The following FREM3 variants were observed in gnomAD, a reference collection of about 807,000 sequenced individuals.
FREM3 encodes the protein FRAS1 related extracellular matrix 3.
Under a neutral mutation model 129.1 loss-of-function variants are expected in FREM3, and 105 were observed. The ratio of observed to expected loss-of-function variants is 0.81; its 90% CI spans 0.69 to 0.96. The LOEUF (loss-of-function observed/expected upper bound fraction) is 0.96, where lower values mean the gene tolerates loss of function less well. Ranked by LOEUF, FREM3 falls within the 40% of genes least tolerant of loss-of-function variation. The pLI is 0.00. For synonymous variants in FREM3, 1,014 were observed against 1,044.9 expected, an observed-to-expected ratio of 0.97 and a Z score of 0.57; for missense variants, 2,593 against 2,666.3, an observed-to-expected ratio of 0.97 and a Z score of 0.61.
At position 143,695,902 on chromosome 4, in the gene FREM3, G is replaced by C. The variant is rs552226444; in HGVS notation, c.4774C>G (p.Pro1592Ala). 74 of 1,537,568 alleles carry C rather than the reference G, an allele frequency of 4.8e-5. No individual in the cohort carries two copies. The highest frequency in any genetic ancestry group is 6.2e-5 in the Non-Finnish European group (71 of 1,147,032). ...TCTTGCTTGGTGAAAGTGGTCACGG[G>C]ACGGCTACCATTGTACAAAATCTTG... ...HGKILYNGSR[P>A]VTTFTKQDLN... is the part of the protein sequence containing the mutation. Residue 1592 changes from proline (P) to alanine (A), a missense_variant, in exon 1 of 8, where the codon CCC becomes GCC. Around this residue, in one of 2 missense-constraint regions of FREM3, gnomAD observed 2,276 missense variants for 2,267.2 expected, o/e 1.00. Transcript: ENST00000329798.
At position 143,698,542 on chromosome 4, in the gene FREM3, C is replaced by T. The variant is rs60279939; in HGVS notation, c.2134G>A (p.Glu712Lys). 1 of 1,537,654 alleles carries T rather than the reference C, an allele frequency of 6.5e-7. No individual in the cohort carries two copies. The highest frequency in any genetic ancestry group is 8.7e-7 in the Non-Finnish European group (1 of 1,147,024). ...SPQLYPGTTLEMTVQEYQLTH... is the reference protein window; with the variant it reads ...SPQLYPGTTLKMTVQEYQLTH... Reference sequence around the variant, plus strand: ...AGTTGGTATTCTTGTACAGTCATTTCTAGTGTAGTTCCTGGATACAGCTGT... The same window carrying T: ...AGTTGGTATTCTTGTACAGTCATTTTTAGTGTAGTTCCTGGATACAGCTGT... The change falls in exon 1 of 8, where the codon GAA becomes AAA. Residue 712 changes from glutamate to lysine, a missense_variant. Glu to Lys is a moderately conservative substitution (Grantham distance 56). Coordinates refer to ENST00000329798, the MANE Select transcript of FREM3 (RefSeq NM_001168235.2).
intron 2 of FREM3, among the ~76,000 whole-genome samples, chr4:143,675,363 C>G (rs906975908): frequency 2.2e-4 from 33 of 152,092 alleles, no homozygotes; most frequent in East Asian, 1.7e-3. Flanking sequence ...ACACAACATA[C>G]CAGAATCTCT....
chr4:143,592,126 A>G (rs1021497953), intron 6 of FREM3, among the ~76,000 whole-genome samples: 5 of 151,994 alleles, frequency 3.3e-5, no homozygotes, highest in African/African-American at 1.2e-4. Context: ...TTTTGAGCCT[A>G]TGTGTGTCTC....
chr4:143,658,752 A>G (rs1472439843), intron 2 of FREM3, among the ~76,000 whole-genome samples: 2 of 152,214 alleles, frequency 1.3e-5, no homozygotes, highest in Non-Finnish European at 2.9e-5. Flanking sequence ...AGTGTATTTT[A>G]TGTGTGGCCC....
At position 143,611,357 on chromosome 4, in the gene FREM3, G is replaced by A. The variant is rs1297193955; in HGVS notation, c.5950C>T (p.Leu1984Phe). 6.5e-7 allele frequency: 1 copy of A among 1,537,142 alleles called. No homozygotes were observed. Among genetic ancestry groups the A allele is most frequent in the Non-Finnish European group, 8.7e-7 (1 of 1,146,828 alleles). The change falls in exon 6 of 8, where the codon CTT (leucine) becomes TTT (phenylalanine). Residue 1984 changes from leucine (L) to phenylalanine (F), a missense_variant. Around this residue, in one of 2 missense-constraint regions of FREM3, gnomAD observed 317 missense variants for 399.0 expected, o/e 0.79. Coordinates refer to ENST00000329798, the MANE Select transcript of FREM3 (RefSeq NM_001168235.2). Reference sequence around the variant, plus strand: ...AGCTGTCCTCCCACTGGCAGCCTAAGTGAAACGCTGAAGGATTCCTCCTCT... The same window carrying A: ...AGCTGTCCTCCCACTGGCAGCCTAAATGAAACGCTGAAGGATTCCTCCTCT... ...YEEEESFSVS[L>F]RLPVGGQLGA...
chr4:143,638,806 G>A (rs948395032), intron 2 of FREM3, among the ~76,000 whole-genome samples: 25 of 152,110 alleles, frequency 1.6e-4, no homozygotes, highest in East Asian at 7.7e-4. Context: ...GTGACTCTGC[G>A]TAGTAGACTA....
rs191274394 is a variant in FREM3, at chr4:143,580,196, C to T, written c.6179-2344G>A. ...GAGGACAGAGAGTGGTGAATAAACA[C>T]ACAAGCTCTTCAGCTGGATTTTCTA... On this transcript the variant is annotated intron_variant, in intron 7 of 7. Coordinates refer to ENST00000329798, the MANE Select transcript of FREM3 (RefSeq NM_001168235.2). Among the ~76,000 whole-genome samples, 368 of 152,236 alleles carry T rather than the reference C, an allele frequency of 2.4e-3. 7 individuals carry two copies. The highest frequency in any genetic ancestry group is 0.023 in the Admixed American group (354 of 15,284).
intron 4 of FREM3, among the ~76,000 whole-genome samples, chr4:143,621,452 A>C (rs1738950333): frequency 6.6e-6 from 1 of 152,198 alleles, no homozygotes; most frequent in South Asian, 2.1e-4. Context: ...TTCTGAGATC[A>C]AATTTTAAGT....
intron 2 of FREM3, among the ~76,000 whole-genome samples, chr4:143,640,885 A>G (rs536287853): frequency 4.6e-5 from 7 of 152,266 alleles, no homozygotes; most frequent in East Asian, 1.9e-4. Context: ...TGTCCGTAGT[A>G]TATATTATTT....
At chr4:143,645,177 T>A (rs1444666271) in intron 2 of FREM3, 2 of 152,160 alleles carry the variant, frequency 1.3e-5, no homozygotes, top group Admixed American at 1.3e-4. Context: ...ATTGAAAGCC[T>A]AGGGGTTTTG....
In FREM3 at chr4:143,696,914, G is replaced by A; in HGVS notation, c.3762C>T (p.Ser1254=). ...QLATGSQPIH[S]FTLKEIQEAS... ...CCTCCTGGATCTCCTTGAGGGTGAA[G>A]CTGTGGATGGGCTGGCTGCCTGTAG... Residue 1254 remains serine (S), a synonymous_variant, in exon 1 of 8, where the codon AGC becomes AGT. Transcript: ENST00000329798. The A allele has an allele frequency of 6.5e-7, 1 of 1,537,694 alleles. No individual in the cohort carries two copies. Among genetic ancestry groups the A allele is most frequent in the Non-Finnish European group, 8.7e-7 (1 of 1,147,016 alleles).
chr4:143,604,300 G>T (rs1738627634), intron 6 of FREM3, among the ~76,000 whole-genome samples: 1 of 151,924 alleles, frequency 6.6e-6, no homozygotes, highest in Non-Finnish European at 1.5e-5. Context: ...AAATTACCTA[G>T]CCTCAGGACT....
chr4:143,697,301 A>G lies in FREM3; in HGVS notation c.3375T>C (p.Pro1125=). ...SGYLEKIASA[P]GSKMSQSGSP... is the part of the protein sequence containing the mutation. Reference sequence around the variant, plus strand: ...TACCAGACTGGGACATTTTTGAACCAGGAGCTGATGCAATCTTTTCCAGGT... The same window carrying G: ...TACCAGACTGGGACATTTTTGAACCGGGAGCTGATGCAATCTTTTCCAGGT... Residue 1125 remains proline, a synonymous_variant, in exon 1 of 8, where the codon CCT becomes CCC. Transcript: ENST00000329798. The G allele has an allele frequency of 6.5e-7, 1 of 1,537,326 alleles. No individual in the cohort carries two copies. The highest frequency in any genetic ancestry group is 8.7e-7 in the Non-Finnish European group (1 of 1,146,904).
intron 2 of FREM3, among the ~76,000 whole-genome samples, chr4:143,663,135 G>C (rs1739772848): frequency 6.6e-6 from 1 of 152,066 alleles, no homozygotes. Context: ...TATGATGTTA[G>C]CTGGTTATTT....
intron 6 of FREM3, 87 bp from the exon 7 acceptor site, chr4:143,586,080 G>T (rs1738239248): frequency 1.4e-5 from 18 of 1,298,322 alleles, no homozygotes; most frequent in Non-Finnish European, 1.9e-5. Context: ...CTGGGCATTT[G>T]TCATAATTGT....
chr4:143,656,743 T>C (rs901129573), intron 2 of FREM3, among the ~76,000 whole-genome samples: 4 of 152,226 alleles, frequency 2.6e-5, no homozygotes, highest in Admixed American at 2.0e-4. Context: ...GTGGTGATGG[T>C]TGCATAATCC....
At chr4:143,663,318 T>G (rs926736240) in intron 2 of FREM3, among the ~76,000 whole-genome samples, 6 of 151,918 alleles carry the variant, frequency 3.9e-5, no homozygotes, top group African/African-American at 1.5e-4. Context: ...GTCTGTAAAG[T>G]ATTTTATTTC....
chr4:143,699,736 T>G lies in FREM3; in HGVS notation c.940A>C (p.Met314Leu). The stretch of plus-strand genomic sequence containing the variant: ...AGCACCAGTGGATCCACCTCCATCA[T>G]CATCGTGGCCATGAAGCTGGGCCTG... Reference protein sequence around the residue: ...PPRPSFMATMMMEVDPLVLTA... With the variant: ...PPRPSFMATMLMEVDPLVLTA... The change falls in exon 1 of 8, where the codon ATG becomes CTG. Residue 314 changes from methionine (M) to leucine (L), a missense_variant. Met to Leu is a conservative substitution (Grantham distance 15). This residue lies in a region of FREM3 where 2,276 missense variants were observed against 2,267.2 expected (regional missense o/e 1.00). Coordinates refer to ENST00000329798, the MANE Select transcript of FREM3 (RefSeq NM_001168235.2). The surrounding 1 kb of genome is among the most constrained non-coding windows in gnomAD (Gnocchi z 4.2). 1 of 1,519,008 alleles carries G rather than the reference T, an allele frequency of 6.6e-7. No homozygotes were observed. Among genetic ancestry groups the G allele is most frequent in the Non-Finnish European group, 8.8e-7 (1 of 1,136,534 alleles). 94.1% of individuals were successfully genotyped at this position (1,519,008 alleles called of 1,614,324 possible). A position where few individuals can be genotyped will look rare whatever the true frequency, so the allele number is the denominator to read the frequency against.
At chr4:143,620,868 C>A (rs1185284453) in intron 5 of FREM3, among the ~76,000 whole-genome samples, 169 bp downstream of exon 5, 1 of 152,118 alleles carries the variant, frequency 6.6e-6, no homozygotes, top group Non-Finnish European at 1.5e-5. Flanking sequence ...GAGTAGGGCA[C>A]CTGCACAGAG....
Sources: gnomAD v4.1 joint callset for allele counts (sites outside exome capture counted in the v4.1 genomes callset) on GRCh38, gnomAD v4.1.1 for gene constraint, gnomAD v4.1.1 regional missense constraint, Gnocchi (gnomAD v3.1) non-coding constraint, MANE v1.5 for transcripts, NCBI Gene and HGNC (gene_info 2026-07-23, HGNC 2026-07-21) for gene names.